The following ENOX1 variants were observed in gnomAD, a reference collection of about 807,000 sequenced individuals.
ENOX1 encodes the protein ecto-NOX disulfide-thiol exchanger 1.
ENOX1 carries 42 observed loss-of-function variants against 82.5 expected under a neutral mutation model. The ratio of observed to expected loss-of-function variants is 0.51; its 90% confidence interval spans 0.40 to 0.66. The LOEUF is 0.66. Ranked by LOEUF, ENOX1 falls within the 30% of genes least tolerant of loss-of-function variation. ENOX1 has a pLI of 0.00. For synonymous variants in ENOX1, 271 were observed against 282.2 expected (o/e 0.96, Z 0.40); for missense variants, 608 against 811.6 (o/e 0.75, Z 3.05).
intron 2 of ENOX1, chr13:43,609,809 G>T: frequency 2.5e-6 from 1 of 399,888 alleles, no homozygotes; most frequent in Non-Finnish European, 3.4e-6. Flanking sequence ...ATTAATGTAA[G>T]GTGTATCAAC....
intron 3 of ENOX1, among the ~76,000 whole-genome samples, chr13:43,420,060 A>C (rs1566176876): frequency 6.6e-6 from 1 of 152,204 alleles, no homozygotes; most frequent in Admixed American, 6.5e-5. Context: ...TAGCATTATC[A>C]TGGTATATAT....
At chr13:43,395,667 A>G (rs1286147586) in intron 5 of ENOX1, among the ~76,000 whole-genome samples, 8 of 152,200 alleles carry the variant, frequency 5.3e-5, no homozygotes, top group Admixed American at 1.3e-4. Flanking sequence ...TTAATTATCC[A>G]TACTTTCGTT....
chr13:43,558,472 C>T (rs2079535717), intron 2 of ENOX1, among the ~76,000 whole-genome samples: 1 of 152,198 alleles, frequency 6.6e-6, no homozygotes, highest in Non-Finnish European at 1.5e-5. Flanking sequence ...CAGCAGAACA[C>T]TCTGAAGGAG....
chr13:43,382,667 C>T (rs2052136739), intron 5 of ENOX1, among the ~76,000 whole-genome samples: 1 of 152,048 alleles, frequency 6.6e-6, no homozygotes, highest in Non-Finnish European at 1.5e-5. Flanking sequence ...ACAAAGGGAA[C>T]AGGAAATGTT....
intron 2 of ENOX1, among the ~76,000 whole-genome samples, chr13:43,610,811 C>T (rs192526816): frequency 6.6e-6 from 1 of 151,640 alleles, no homozygotes; most frequent in Non-Finnish European, 1.5e-5. Flanking sequence ...TTGGAAAGCA[C>T]AGTAACAACT....
chr13:43,420,060 A>G (rs1566176876), intron 3 of ENOX1, among the ~76,000 whole-genome samples: 1 of 152,204 alleles, frequency 6.6e-6, no homozygotes, highest in Non-Finnish European at 1.5e-5. Context: ...TAGCATTATC[A>G]TGGTATATAT....
At chr13:43,257,376 T>C (rs189344255) in intron 14 of ENOX1, among the ~76,000 whole-genome samples, 13 of 152,310 alleles carry the variant, frequency 8.5e-5, no homozygotes, top group Non-Finnish European at 1.6e-4. Flanking sequence ...ATTATATGAA[T>C]ATATGAAAAT....
At chr13:43,315,827 A>AATCCACTC (rs1410864670) in intron 11 of ENOX1, among the ~76,000 whole-genome samples, 3 of 152,168 alleles carry the variant, frequency 2.0e-5, no homozygotes, top group Non-Finnish European at 2.9e-5. Context: ...AACAGGATTA[A>AATCCACTC]ATCCACTCTC....
intron 2 of ENOX1, among the ~76,000 whole-genome samples, chr13:43,494,852 A>G (rs957391449): frequency 1.3e-5 from 2 of 152,180 alleles, no homozygotes; most frequent in Non-Finnish European, 2.9e-5. Context: ...ATATAAAAGT[A>G]GGGTTGGATG....
At chr13:43,455,516 T>A (rs545957985) in intron 3 of ENOX1, among the ~76,000 whole-genome samples, 101 of 152,184 alleles carry the variant, frequency 6.6e-4, no homozygotes, top group Non-Finnish European at 1.1e-3. Context: ...TATTCTTTAG[T>A]ACTTGTCTCT....
intron 1 of ENOX1, among the ~76,000 whole-genome samples, chr13:43,747,256 G>A (rs112382878): frequency 2.8e-4 from 42 of 152,162 alleles, no homozygotes; most frequent in African/African-American, 9.6e-4. Flanking sequence ...AAATATTTCT[G>A]AATGAACAAA....
Position 43,614,542 on chromosome 13 carries a change from C to CT in ENOX1, c.-219+52936dup, listed in dbSNP as rs9316046. On this transcript the variant is annotated intron_variant, in intron 2 of 16. Coordinates refer to ENST00000690772, the MANE Select transcript of ENOX1 (RefSeq NM_001347969.2). ...ATAAACATTTCCCCAAAATAAAGGG[C>CT]TTTTTTTTTTTTTTTTAGCACTTGC... Among the ~76,000 whole-genome samples the CT allele has an allele frequency of 6.9e-3, 893 of 129,768 alleles. 34 individuals are homozygous for CT. Among genetic ancestry groups the CT allele is most frequent in the South Asian group, 0.024 (96 of 4,012 alleles). 85.1% of individuals were successfully genotyped at this position (129,768 alleles called of 152,430 possible).
intron 2 of ENOX1, among the ~76,000 whole-genome samples, chr13:43,649,618 T>C (rs1388836792): frequency 2.6e-5 from 4 of 152,174 alleles, no homozygotes; most frequent in Non-Finnish European, 4.4e-5. Flanking sequence ...TCCAACTTCA[T>C]CATATAATAA....
chr13:43,332,545 T>C (rs2048465419), intron 9 of ENOX1, among the ~76,000 whole-genome samples: 1 of 151,940 alleles, frequency 6.6e-6, no homozygotes, highest in African/African-American at 2.4e-5. Flanking sequence ...TCACAGTATA[T>C]AAAAAAACAG....
chr13:43,645,848 G>C (rs1356158472), intron 2 of ENOX1, among the ~76,000 whole-genome samples: 1 of 152,190 alleles, frequency 6.6e-6, no homozygotes, highest in Non-Finnish European at 1.5e-5. Flanking sequence ...TCTATTGGGT[G>C]ACAATTCTCT....
chr13:43,770,114 G>A (rs1226300107), intron 1 of ENOX1, among the ~76,000 whole-genome samples: 1 of 152,236 alleles, frequency 6.6e-6, no homozygotes, highest in African/African-American at 2.4e-5. Context: ...AGTAAATCTA[G>A]AGTAAACTCT....
intron 1 of ENOX1, among the ~76,000 whole-genome samples, chr13:43,696,150 T>C (rs1479026299): frequency 6.6e-6 from 1 of 152,240 alleles, no homozygotes; most frequent in Non-Finnish European, 1.5e-5. Context: ...AGAATAATAT[T>C]TCATGGTATA....
chr13:43,321,816 G>T (rs1442850156), intron 11 of ENOX1, among the ~76,000 whole-genome samples: 1 of 152,220 alleles, frequency 6.6e-6, no homozygotes, highest in African/African-American at 2.4e-5. Context: ...TTCAATGAGA[G>T]CGTTTTAAAT....
intron 5 of ENOX1, among the ~76,000 whole-genome samples, chr13:43,376,429 TACTC>T (rs1202710090): frequency 6.6e-6 from 1 of 152,210 alleles, no homozygotes; most frequent in Non-Finnish European, 1.5e-5. Flanking sequence ...ACTCACTAAA[TACTC>T]ACCATCATCA....
Sources: gnomAD v4.1 joint callset for allele counts (sites outside exome capture counted in the v4.1 genomes callset) on GRCh38, gnomAD v4.1.1 for gene constraint, MANE v1.5 for transcripts, NCBI Gene and HGNC (gene_info 2026-07-23, HGNC 2026-07-21) for gene names.